The following NVL variants were observed in gnomAD, a reference collection of about 807,000 sequenced individuals.
NVL encodes the protein nuclear VCP like, also known as nuclear valosin-containing protein-like.
Under a neutral mutation model 110.2 loss-of-function variants are expected in NVL, and 84 were observed. The observed-to-expected ratio is 0.76, with a 90% CI of 0.64 to 0.91. NVL has a LOEUF of 0.91. Ranked by LOEUF, NVL falls within the 40% of genes least tolerant of loss-of-function variation. The pLI is 0.00. For synonymous variants in NVL, 354 were observed against 361.1 expected (o/e 0.98, Z 0.22); for missense variants, 882 against 1,035.9 (o/e 0.85, Z 2.04).
intron 22 of NVL, among the ~76,000 whole-genome samples, chr1:224,230,843 G>T (rs781628366): frequency 4.6e-5 from 7 of 152,040 alleles, no homozygotes; most frequent in Non-Finnish European, 8.8e-5. Flanking sequence ...CTGTAAAAGA[G>T]TTTAATTCAG....
intron 9 of NVL, among the ~76,000 whole-genome samples, chr1:224,302,717 A>C (rs1016382083): frequency 1.8e-4 from 28 of 152,194 alleles, no homozygotes; most frequent in African/African-American, 6.8e-4. Flanking sequence ...CTATATGAAA[A>C]ATAATATAAC....
chr1:224,321,775 G>A (rs1670674929), intron 2 of NVL, among the ~76,000 whole-genome samples: 1 of 142,478 alleles, frequency 7.0e-6, no homozygotes, highest in South Asian at 2.2e-4. Context: ...AAAAAAAACT[G>A]AAACAGTAGT....
rs142532118 is a variant in NVL, at chr1:224,298,840, G to A, written c.1062+1722C>T. Among the ~76,000 whole-genome samples the A allele has an allele frequency of 1.9e-3, 284 of 152,166 alleles. 1 individual carries two copies. The highest frequency in any genetic ancestry group is 3.1e-3 in the Non-Finnish European group (213 of 68,008). On this transcript the variant is annotated intron_variant, in intron 10 of 22. Transcript: ENST00000281701. ...GCCAGGTATTATTTATGAAATATCTGTACTGGTTTGAAGATAGTCCCTCTA... is the reference window on the plus strand; with the variant it reads ...GCCAGGTATTATTTATGAAATATCTATACTGGTTTGAAGATAGTCCCTCTA...
intron 15 of NVL, 118 bp downstream of exon 15, chr1:224,285,908 T>G: frequency 1.4e-6 from 1 of 694,148 alleles, no homozygotes. Flanking sequence ...TTTGCTAAAA[T>G]AAACTTCTGA....
intron 15 of NVL, among the ~76,000 whole-genome samples, chr1:224,282,438 C>T (rs1309928703): frequency 6.6e-6 from 1 of 152,160 alleles, no homozygotes; most frequent in African/African-American, 2.4e-5. Flanking sequence ...AGTCTCTGTA[C>T]TCAAGAAATA....
chr1:224,303,692 G>T, intron 9 of NVL, 31 bp downstream of exon 9: 1 of 1,594,796 alleles, frequency 6.3e-7, no homozygotes, highest in Non-Finnish European at 8.5e-7. Context: ...AACAAAAACA[G>T]CAAAAGCAAA....
intron 6 of NVL, among the ~76,000 whole-genome samples, chr1:224,307,379 G>T (rs1210882544): frequency 6.6e-6 from 1 of 152,192 alleles, no homozygotes; most frequent in African/African-American, 2.4e-5. Flanking sequence ...CTTTGGATTT[G>T]AAACTGAATG....
intron 17 of NVL, among the ~76,000 whole-genome samples, chr1:224,271,651 C>CTT (rs1356887844): frequency 1.0e-3 from 152 of 152,194 alleles, no homozygotes; most frequent in Admixed American, 3.3e-3. Flanking sequence ...GAAATTTACT[C>CTT]TCTTTATACT....
At chr1:224,267,160 C>A (rs1015263724) in intron 18 of NVL, among the ~76,000 whole-genome samples, 1 of 152,076 alleles carries the variant, frequency 6.6e-6, no homozygotes, top group Non-Finnish European at 1.5e-5. Context: ...GTTGTAACTC[C>A]GAGCCATCTT....
intron 17 of NVL, among the ~76,000 whole-genome samples, chr1:224,273,134 T>C (rs1290491469): frequency 1.3e-5 from 2 of 150,874 alleles, no homozygotes; most frequent in Non-Finnish European, 3.0e-5. Flanking sequence ...GGCAGTAGGC[T>C]GGGCGTGGTG....
chr1:224,252,278 CT>C (rs1662589950), intron 18 of NVL, among the ~76,000 whole-genome samples: 1 of 152,070 alleles, frequency 6.6e-6, no homozygotes, highest in African/African-American at 2.4e-5. Context: ...TTCCTTTGTG[CT>C]TGCCAGACCC....
At chr1:224,258,119 C>T (rs914619497) in intron 18 of NVL, among the ~76,000 whole-genome samples, 1 of 152,096 alleles carries the variant, frequency 6.6e-6, no homozygotes, top group Admixed American at 6.6e-5. Context: ...GAATAGACAA[C>T]CCACAGATTG....
At chr1:224,259,858 A>C (rs1386059008) in intron 18 of NVL, among the ~76,000 whole-genome samples, 1 of 147,608 alleles carries the variant, frequency 6.8e-6, no homozygotes, top group African/African-American at 2.5e-5. Flanking sequence ...AGTAGAGACG[A>C]GATTTTTGCC....
chr1:224,256,932 C>T lies in NVL; in HGVS notation c.2183-6614G>A, dbSNP rs1270941373. ...ACACAATATATTCAGATTCCTTCTA[C>T]ATCCACAGCTATCACCCGGCTCAAA... On this transcript the variant is annotated intron_variant, in intron 18 of 22. Coordinates refer to ENST00000281701, the MANE Select transcript of NVL (RefSeq NM_002533.4). 6 of 447,264 alleles carry T rather than the reference C, an allele frequency of 1.3e-5. No homozygotes were observed. In the East Asian group the frequency reaches 3.6e-4, roughly 27 times the overall value. 27.7% of individuals were successfully genotyped at this position (447,264 alleles called of 1,614,324 possible).
chr1:224,250,265 CAA>C lies in NVL; in HGVS notation c.2234_2235del (p.Phe745CysfsTer37). The C allele has an allele frequency of 6.2e-7, 1 of 1,608,126 alleles. No homozygotes were observed. Among genetic ancestry groups the C allele is most frequent in the East Asian group, 2.3e-5 (1 of 44,300 alleles). On this transcript the variant is annotated frameshift_variant, in exon 19 of 23. Coordinates refer to ENST00000281701, the MANE Select transcript of NVL (RefSeq NM_002533.4). LOFTEE classifies it high-confidence loss of function. ...LRPGRLDKTL[F>X]VGLPPPADRL... The stretch of plus-strand genomic sequence containing the variant: ...CGATCTGCAGGGGGCGGTAAACCCA[CAA>C]ACAGTGTTTTGTCCAGGCGGCCCGG...
chr1:224,281,218 A>C (rs1333231540), intron 15 of NVL, 33 bp from the exon 16 acceptor site: 20 of 1,523,794 alleles, frequency 1.3e-5, no homozygotes, highest in Non-Finnish European at 1.7e-5. Flanking sequence ...CACAAATAAG[A>C]CCAATACACA....
At chr1:224,324,088 T>TA (rs1289226272) in intron 2 of NVL, among the ~76,000 whole-genome samples, 2 of 152,206 alleles carry the variant, frequency 1.3e-5, no homozygotes. Flanking sequence ...GCTAGCCTAT[T>TA]ACACACCTAG....
At chr1:224,282,240 A>AT (rs1457033524) in intron 15 of NVL, among the ~76,000 whole-genome samples, 3 of 151,810 alleles carry the variant, frequency 2.0e-5, no homozygotes, top group Admixed American at 1.3e-4. Flanking sequence ...TAATTTTTGT[A>AT]TTTTTTTGGT....
At chr1:224,286,716 G>A (rs1414467693) in intron 14 of NVL, among the ~76,000 whole-genome samples, 2 of 152,170 alleles carry the variant, frequency 1.3e-5, no homozygotes, top group Non-Finnish European at 2.9e-5. Flanking sequence ...GTTATAAAAT[G>A]TTTAGACAAT....
Sources: allele counts gnomAD v4.1 joint callset (sites outside exome capture counted in the v4.1 genomes callset), GRCh38; gene constraint gnomAD v4.1.1; transcripts MANE v1.5; gene names NCBI Gene and HGNC (gene_info 2026-07-23, HGNC 2026-07-21).